The following ZNF507 variants were observed in gnomAD, a reference collection of about 807,000 sequenced individuals.
ZNF507 encodes zinc finger protein 507.
ZNF507 carries 29 observed loss-of-function variants against 80.0 expected under a neutral mutation model. The observed-to-expected ratio is 0.36, with a 90% CI of 0.27 to 0.49. The LOEUF is 0.49. Ranked by LOEUF, ZNF507 falls within the 20% of genes least tolerant of loss-of-function variation. ZNF507 has a pLI of 0.98. For synonymous variants in ZNF507, 462 were observed against 422.5 expected (o/e 1.09, Z -1.15); for missense variants, 1,081 against 1,152.2 (o/e 0.94, Z 0.90).
At chr19:32,361,960 C>G (rs1967334848) in intron 5 of ZNF507, among the ~76,000 whole-genome samples, 1 of 143,270 alleles carries the variant, frequency 7.0e-6, no homozygotes. Context: ...CTGTCATCAC[C>G]CAGGCTGGAG....
Position 32,384,970 on chromosome 19 carries a change from T to C in ZNF507, c.*1887T>C, listed in dbSNP as rs1489017243. ...AATTCAAATAGAACATTTAAAATGA[T>C]TTCATTATTATTACCCATACTGTTG... On this transcript the variant is annotated 3_prime_UTR_variant, in exon 7 of 7. Coordinates refer to ENST00000355898, the MANE Select transcript of ZNF507 (RefSeq NM_001136156.2). The C allele has an allele frequency of 1.3e-5, 2 of 152,178 alleles. No individual in the cohort carries two copies. The highest frequency in any genetic ancestry group is 4.8e-5 in the African/African-American group (2 of 41,454). The allele number at this position is 152,178 out of a possible 1,614,324, so 9.4% of individuals were successfully genotyped here. A position where few individuals can be genotyped will look rare whatever the true frequency, so the allele number is the denominator to read the frequency against.
Position 32,384,950 on chromosome 19 carries a change from A to G in ZNF507, c.*1867A>G. On this transcript the variant is annotated 3_prime_UTR_variant, in exon 7 of 7. Transcript: ENST00000355898. ...ATTGAAACATTTTAATTTCAAATTC[A>G]AATAGAACATTTAAAATGATTTCAT... 6.6e-6 allele frequency: 1 copy of G among 152,166 alleles called. No homozygotes were observed. Among genetic ancestry groups the G allele is most frequent in the Non-Finnish European group, 1.5e-5 (1 of 68,028 alleles). 9.4% of individuals were successfully genotyped at this position (152,166 alleles called of 1,614,324 possible).
intron 4 of ZNF507, chr19:32,357,676 ATC>A (rs1442770562): frequency 6.6e-6 from 1 of 152,218 alleles, no homozygotes; most frequent in Non-Finnish European, 1.5e-5. Flanking sequence ...ATGATATAGC[ATC>A]TGTTTTTGCA....
intron 5 of ZNF507, among the ~76,000 whole-genome samples, chr19:32,367,931 A>G (rs898917177): frequency 2.6e-5 from 4 of 152,226 alleles, no homozygotes; most frequent in African/African-American, 9.6e-5. Flanking sequence ...TGTGCTAAGC[A>G]TTCAATACGT....
Position 32,354,256 on chromosome 19 carries a change from G to T in ZNF507, c.1426G>T (p.Glu476Ter). 6.2e-7 allele frequency: 1 copy of T among 1,614,140 alleles called. No individual in the cohort carries two copies. Among genetic ancestry groups the T allele is most frequent in the South Asian group, 1.1e-5 (1 of 91,076 alleles). The change falls in exon 3 of 7, where the codon GAG becomes TAG. Residue 476 changes from glutamate (E) to a stop codon, truncating the protein, a stop_gained. Coordinates refer to ENST00000355898, the MANE Select transcript of ZNF507 (RefSeq NM_001136156.2). LOFTEE classifies it high-confidence loss of function. ...ELMNKGLATD[E>*]NAPPGRRRTN... The stretch of plus-strand genomic sequence containing the variant: ...AATGAATAAAGGCCTGGCTACTGAT[G>T]AGAATGCCCCACCAGGCCGGAGAAG...
rs769996410 is a variant in ZNF507, at chr19:32,382,943, G to C, written c.2722G>C (p.Val908Leu). Residue 908 changes from valine to leucine, a missense_variant, in exon 7 of 7, where the codon GTT becomes CTT. This residue lies in a region of ZNF507 where 138 missense variants were observed against 158.4 expected (regional missense o/e 0.87). Transcript: ENST00000355898. Reference protein sequence around the residue: ...SLAPPSMEYCVLLFCCCICGF... With the variant: ...SLAPPSMEYCLLLFCCCICGF... The stretch of plus-strand genomic sequence containing the variant: ...GGCCCCTCCTAGCATGGAGTACTGC[G>C]TTTTACTCTTCTGCTGTTGTATTTG... 6.2e-7 allele frequency: 1 copy of C among 1,613,934 alleles called. No homozygotes were observed. Among genetic ancestry groups the C allele is most frequent in the Non-Finnish European group, 8.5e-7 (1 of 1,180,012 alleles).
intron 5 of ZNF507, among the ~76,000 whole-genome samples, chr19:32,381,807 C>CT (rs1482767073): frequency 2.0e-5 from 3 of 152,092 alleles, no homozygotes; most frequent in Non-Finnish European, 4.4e-5. Flanking sequence ...GGACTCAGTT[C>CT]TATCTGACCA....
intron 5 of ZNF507, among the ~76,000 whole-genome samples, chr19:32,364,074 A>T (rs111321274): frequency 9.3e-4 from 141 of 152,360 alleles, no homozygotes; most frequent in African/African-American, 3.2e-3. Flanking sequence ...ATATTTATGA[A>T]GTACCCAGCA....
intron 2 of ZNF507, among the ~76,000 whole-genome samples, chr19:32,352,130 T>TA (rs71335193): frequency 0.23 from 33,984 of 150,350 alleles, 4,588 homozygotes; most frequent in East Asian, 0.45. Flanking sequence ...ATATGACCTC[T>TA]AAAAAAAAAC....
chr19:32,368,999 A>G lies in ZNF507; in HGVS notation c.2360+8381A>G, dbSNP rs558067124. ...CCAGGAAAGTGGGGGGTTTTAAACC[A>G]ACATCCTTATCTCCTTGGGGTTCTG... On this transcript the variant is annotated intron_variant, in intron 5 of 6. Coordinates refer to ENST00000355898, the MANE Select transcript of ZNF507 (RefSeq NM_001136156.2). 2.0e-5 allele frequency among the ~76,000 whole-genome samples: 3 copies of G among 152,366 alleles called. No individual in the cohort carries two copies. In the South Asian group the frequency reaches 6.2e-4, roughly 32 times the overall value.
chr19:32,354,337 A>G lies in ZNF507; in HGVS notation c.1507A>G (p.Met503Val). The G allele has an allele frequency of 3.1e-6, 5 of 1,614,178 alleles. No individual in the cohort carries two copies. Among genetic ancestry groups the G allele is most frequent in the Admixed American group, 1.7e-5 (1 of 60,030 alleles). The change falls in exon 3 of 7, where the codon ATG becomes GTG. Residue 503 changes from methionine to valine, a missense_variant. Coordinates refer to ENST00000355898, the MANE Select transcript of ZNF507 (RefSeq NM_001136156.2). The part of the protein sequence containing the change: ...HSLAAEALVT[M>V]PIRAAELTRA... ...ATTAGCTGCAGAAGCCCTTGTCACA[A>G]TGCCTATAAGAGCTGCAGAGTTGAC...
chr19:32,354,333 C>T lies in ZNF507; in HGVS notation c.1503C>T (p.Val501=). The change falls in exon 3 of 7, where the codon GTC becomes GTT. Residue 501 remains valine (V), a synonymous_variant. Transcript: ENST00000355898. ...RLHSLAAEAL[V]TMPIRAAELT... is the part of the protein sequence containing the mutation. ...ACTCATTAGCTGCAGAAGCCCTTGT[C>T]ACAATGCCTATAAGAGCTGCAGAGT... 3 of 1,614,152 alleles carry T rather than the reference C, an allele frequency of 1.9e-6. No homozygotes were observed. The highest frequency in any genetic ancestry group is 2.5e-6 in the Non-Finnish European group (3 of 1,180,042).
intron 5 of ZNF507, among the ~76,000 whole-genome samples, chr19:32,377,262 A>G (rs1599558822): frequency 2.0e-5 from 3 of 152,100 alleles, no homozygotes; most frequent in African/African-American, 4.8e-5. Context: ...CCGCTTGGCA[A>G]TGGGCATCTT....
chr19:32,354,836 A>C lies in ZNF507; in HGVS notation c.2006A>C (p.Tyr669Ser). Residue 669 changes from tyrosine (Y) to serine (S), a missense_variant, in exon 3 of 7, where the codon TAT (tyrosine) becomes TCT (serine). Physicochemically the swap from Tyr to Ser is moderately radical, Grantham distance 144. This residue lies in a region of ZNF507 where 614 missense variants were observed against 583.9 expected (regional missense o/e 1.05). Transcript: ENST00000355898. Reference sequence around the variant, plus strand: ...CGAGTCCATCGACAGAGACAGCCTTATCAGTGTCCTATCTGCGAGCACATA... The same window carrying C: ...CGAGTCCATCGACAGAGACAGCCTTCTCAGTGTCCTATCTGCGAGCACATA... ...HLRVHRQRQPYQCPICEHIAD... is the reference protein window; with the variant it reads ...HLRVHRQRQPSQCPICEHIAD... 1 of 1,614,220 alleles carries C rather than the reference A, an allele frequency of 6.2e-7. No individual in the cohort carries two copies. Among genetic ancestry groups the C allele is most frequent in the Non-Finnish European group, 8.5e-7 (1 of 1,180,038 alleles).
chr19:32,374,166 A>G, intron 5 of ZNF507, among the ~76,000 whole-genome samples: 1 of 100,440 alleles, frequency 1.0e-5, no homozygotes, highest in South Asian at 3.6e-4. Flanking sequence ...GTGCAAAGCA[A>G]GGAACACACA....
intron 4 of ZNF507, among the ~76,000 whole-genome samples, chr19:32,360,089 T>C (rs1350822944): frequency 6.6e-6 from 1 of 152,216 alleles, no homozygotes; most frequent in Non-Finnish European, 1.5e-5. Context: ...TATTGGAGTA[T>C]AGTATTAAAT....
chr19:32,377,243 G>A (rs1246583475), intron 5 of ZNF507, among the ~76,000 whole-genome samples: 1 of 152,134 alleles, frequency 6.6e-6, no homozygotes, highest in African/African-American at 2.4e-5. Context: ...GCTACCGCTA[G>A]ACCATGGTCC....
Position 32,382,733 on chromosome 19 carries a change from C to T in ZNF507, c.2512C>T (p.Pro838Ser), listed in dbSNP as rs143612000. Residue 838 changes from proline to serine, a missense_variant, in exon 7 of 7, where the codon CCT (proline) becomes TCT (serine). Around this residue, in one of 6 missense-constraint regions of ZNF507, gnomAD observed 138 missense variants for 158.4 expected, o/e 0.87. Transcript: ENST00000355898. ...GTTTTTAAGAGTTCTGGGGAAATCC[C>T]CTGGAAAGACTCAATTAAAGAGCAG... ...SQSGRVLGKS[P>S]GKTQLKSSEE... 2 of 1,612,308 alleles carry T rather than the reference C, an allele frequency of 1.2e-6. No individual in the cohort carries two copies. The highest frequency in any genetic ancestry group is 2.7e-5 in the African/African-American group (2 of 74,766).
At chr19:32,361,698 TCC>T (rs1568305643) in intron 5 of ZNF507, among the ~76,000 whole-genome samples, 7 of 142,952 alleles carry the variant, frequency 4.9e-5, no homozygotes, top group South Asian at 2.3e-4. Flanking sequence ...TTCCTTTCCT[TCC>T]TTTCCTTCCT....
Sources: allele counts gnomAD v4.1 joint callset (sites outside exome capture counted in the v4.1 genomes callset), GRCh38; gene constraint gnomAD v4.1.1; regional missense constraint gnomAD v4.1.1; transcripts MANE v1.5; gene names NCBI Gene and HGNC (gene_info 2026-07-23, HGNC 2026-07-21).